The following FAM13A variants were observed in gnomAD, a reference collection of about 807,000 sequenced individuals.
FAM13A encodes the protein protein FAM13A.
A neutral mutation model predicts 129.6 loss-of-function variants in FAM13A; 76 were observed. The ratio of observed to expected loss-of-function variants is 0.59; its 90% CI spans 0.49 to 0.71. FAM13A has a LOEUF of 0.71. FAM13A is among the 30% of genes least tolerant of loss of function. The pLI, the probability that FAM13A is intolerant of heterozygous loss-of-function variation, is 0.00. For synonymous variants in FAM13A, 443 were observed against 449.9 expected (o/e 0.98, Z 0.20); for missense variants, 1,108 against 1,249.3 (o/e 0.89, Z 1.70).
At chr4:89,041,668 C>T (rs531786701) in intron 1 of FAM13A, among the ~76,000 whole-genome samples, 1 of 152,212 alleles carries the variant, frequency 6.6e-6, no homozygotes, top group South Asian at 2.1e-4. Context: ...TGCCTGTAAT[C>T]TCAGCACTTT....
chr4:88,796,438 T>C (rs947452585), intron 8 of FAM13A, among the ~76,000 whole-genome samples: 5 of 152,050 alleles, frequency 3.3e-5, no homozygotes, highest in Admixed American at 1.3e-4. Context: ...TTATGCAAAA[T>C]TTCACATATG....
At chr4:88,796,027 G>A (rs891264058) in intron 8 of FAM13A, among the ~76,000 whole-genome samples, 4 of 151,448 alleles carry the variant, frequency 2.6e-5, no homozygotes, top group African/African-American at 7.3e-5. Flanking sequence ...AGTTCTGCTC[G>A]TTTTCTGTTT....
intron 5 of FAM13A, among the ~76,000 whole-genome samples, chr4:88,927,446 A>C (rs1418603173): frequency 1.5e-5 from 2 of 137,404 alleles, no homozygotes; most frequent in Middle Eastern, 7.6e-3. Flanking sequence ...TTTTTTTTTT[A>C]ATCTTGCTTG....
chr4:88,767,664 G>T, intron 12 of FAM13A, 69 bp from the exon 13 acceptor site: 1 of 1,201,142 alleles, frequency 8.3e-7, no homozygotes, highest in Non-Finnish European at 1.2e-6. Context: ...TTCATCCACT[G>T]ATATTATGAT....
At chr4:88,989,327 C>T (rs553046786) in intron 4 of FAM13A, among the ~76,000 whole-genome samples, 1 of 152,026 alleles carries the variant, frequency 6.6e-6, no homozygotes, top group African/African-American at 2.4e-5. Flanking sequence ...GTTGGCCAGG[C>T]ACAGTGGCTC....
At chr4:88,996,530 G>C (rs1271729069) in intron 3 of FAM13A, among the ~76,000 whole-genome samples, 1 of 152,100 alleles carries the variant, frequency 6.6e-6, no homozygotes, top group Non-Finnish European at 1.5e-5. Context: ...TCTGTTCCAG[G>C]CACCATTCTA....
At chr4:88,973,725 G>T (rs1760480675) in intron 4 of FAM13A, among the ~76,000 whole-genome samples, 1 of 152,134 alleles carries the variant, frequency 6.6e-6, no homozygotes, top group South Asian at 2.1e-4. Context: ...GGCTGGACAT[G>T]ATGTACTGGG....
At chr4:88,834,018 T>C (rs1271225689) in intron 7 of FAM13A, among the ~76,000 whole-genome samples, 2 of 151,030 alleles carry the variant, frequency 1.3e-5, no homozygotes, top group African/African-American at 4.9e-5. Context: ...GGCTCCCAAG[T>C]AGCTGGCTCT....
At chr4:88,999,139 C>T (rs1560728504) in intron 3 of FAM13A, among the ~76,000 whole-genome samples, 1 of 152,078 alleles carries the variant, frequency 6.6e-6, no homozygotes, top group Admixed American at 6.6e-5. Flanking sequence ...GAGCAAAGGC[C>T]TGCAGGAAGA....
At chr4:88,807,703 A>G (rs1728854175) in intron 7 of FAM13A, among the ~76,000 whole-genome samples, 1 of 152,196 alleles carries the variant, frequency 6.6e-6, no homozygotes, top group Non-Finnish European at 1.5e-5. Flanking sequence ...GCAACTCTAC[A>G]TCACCTTAGT....
intron 6 of FAM13A, among the ~76,000 whole-genome samples, chr4:88,893,129 CAT>C (rs1745645311): frequency 6.6e-6 from 1 of 152,162 alleles, no homozygotes; most frequent in Non-Finnish European, 1.5e-5. Context: ...ACAACATAAA[CAT>C]ATGAAAAACT....
chr4:88,981,020 C>T (rs1201933718), intron 4 of FAM13A, among the ~76,000 whole-genome samples: 1 of 152,100 alleles, frequency 6.6e-6, no homozygotes, highest in Admixed American at 6.6e-5. Context: ...AGTGGAAGGG[C>T]TTATCATTCA....
intron 4 of FAM13A, among the ~76,000 whole-genome samples, chr4:88,965,979 A>G (rs1403779242): frequency 1.3e-5 from 2 of 152,174 alleles, no homozygotes; most frequent in African/African-American, 4.8e-5. Flanking sequence ...TTGGATTATT[A>G]CCATCTCTTG....
intron 6 of FAM13A, among the ~76,000 whole-genome samples, chr4:88,883,913 G>GGA (rs1744003739): frequency 6.6e-6 from 1 of 151,954 alleles, no homozygotes; most frequent in South Asian, 2.1e-4. Context: ...AAAACCAAGA[G>GGA]GAGATGGATA....
intron 13 of FAM13A, among the ~76,000 whole-genome samples, chr4:88,766,539 A>T (rs1345298346): frequency 1.3e-5 from 2 of 152,158 alleles, no homozygotes; most frequent in Non-Finnish European, 2.9e-5. Flanking sequence ...GTGTTCAGGG[A>T]GTGGGGATTA....
At chr4:88,857,480 T>C (rs530073265) in intron 6 of FAM13A, among the ~76,000 whole-genome samples, 1 of 151,776 alleles carries the variant, frequency 6.6e-6, no homozygotes, top group East Asian at 1.9e-4. Context: ...ATAAAAAAAA[T>C]TAGCCAGGCA....
chr4:88,996,810 T>C (rs985774206), intron 3 of FAM13A, among the ~76,000 whole-genome samples: 1 of 151,954 alleles, frequency 6.6e-6, no homozygotes, highest in African/African-American at 2.4e-5. Flanking sequence ...GGTGGTTGAG[T>C]TTCAACCATC....
chr4:88,970,055 T>G (rs1396697934), intron 4 of FAM13A, among the ~76,000 whole-genome samples: 1 of 152,180 alleles, frequency 6.6e-6, no homozygotes, highest in Non-Finnish European at 1.5e-5. Context: ...CATAAAACAG[T>G]GCTGGTCATA....
intron 1 of FAM13A, among the ~76,000 whole-genome samples, chr4:89,048,917 TC>T (rs1771205560): frequency 6.6e-6 from 1 of 152,186 alleles, no homozygotes; most frequent in Non-Finnish European, 1.5e-5. Context: ...CATCTTTTGT[TC>T]ATCATTTTTG....
Sources: allele counts gnomAD v4.1 joint callset (sites outside exome capture counted in the v4.1 genomes callset), GRCh38; gene constraint gnomAD v4.1.1; transcripts MANE v1.5; gene names NCBI Gene and HGNC (gene_info 2026-07-23, HGNC 2026-07-21).